Variants in VPS13D observed in about 807,000 individuals in gnomAD.
VPS13D encodes vacuolar protein sorting 13 homolog D, also known as intermembrane lipid transfer protein VPS13D.
A neutral mutation model predicts 461.9 loss-of-function variants in VPS13D; 187 were observed. That is an observed-to-expected ratio of 0.40 (90% CI 0.36 to 0.46). The LOEUF (loss-of-function observed/expected upper bound fraction) is 0.46, where lower values mean the gene tolerates loss of function less well. Ranked by LOEUF, VPS13D falls within the 20% of genes least tolerant of loss-of-function variation. VPS13D has a pLI of 0.60. For synonymous variants in VPS13D, 1,951 were observed against 1,986.3 expected (o/e 0.98, Z 0.47); for missense variants, 4,711 against 5,364.9 (o/e 0.88, Z 3.81).
Position 12,315,312 on chromosome 1 carries a change from A to G in VPS13D, c.7148+985A>G, listed in dbSNP as rs139821020. Among the ~76,000 whole-genome samples the G allele has an allele frequency of 2.6e-3, 392 of 152,356 alleles. 1 individual carries two copies. Among genetic ancestry groups the G allele is most frequent in the Admixed American group, 4.2e-3 (65 of 15,304 alleles). On this transcript the variant is annotated intron_variant, in intron 30 of 69. Coordinates refer to ENST00000620676, the MANE Select transcript of VPS13D (RefSeq NM_015378.4). ...ATGTTTCTGTATGCCTGACATTTCA[A>G]TGTGCTGTTCAGAATTCCCCAGGGT...
Position 12,385,322 on chromosome 1 carries a change from C to T in VPS13D, c.11433C>T (p.Thr3811=), listed in dbSNP as rs751626556. ...RSYEVDELPV[T]EQELQKLKNP... ...ATGAAGTGGATGAACTTCCTGTCAC[C>T]GAACAAGAGCTGCAGAAATTAAAGA... Residue 3811 remains threonine (T), a synonymous_variant, in exon 59 of 70, where the codon ACC becomes ACT. Transcript: ENST00000620676. The T allele has an allele frequency of 1.7e-5, 28 of 1,613,752 alleles. No individual in the cohort carries two copies. Among genetic ancestry groups the T allele is most frequent in the South Asian group, 6.6e-5 (6 of 91,066 alleles).
At chr1:12,291,475 C>T (rs953303932) in intron 23 of VPS13D, among the ~76,000 whole-genome samples, 2 of 152,018 alleles carry the variant, frequency 1.3e-5, no homozygotes, top group Admixed American at 6.6e-5. Context: ...AGAAAAAAGC[C>T]GTCTGTGTGT....
In VPS13D at chr1:12,431,647, G is replaced by A. The variant is rs926286933; in HGVS notation, c.12333+14820G>A. 7.3e-5 allele frequency among the ~76,000 whole-genome samples: 11 copies of A among 151,430 alleles called. No individual in the cohort carries two copies. The East Asian group carries it at 1.9e-3, about 27-fold the overall frequency. Reference sequence around the variant, plus strand: ...GAGTACAAGGGACTAAGTCATACTCGTCTTGGTATCTTTAACCCTAAGCAC... The same window carrying A: ...GAGTACAAGGGACTAAGTCATACTCATCTTGGTATCTTTAACCCTAAGCAC... On this transcript the variant is annotated intron_variant, in intron 65 of 69. Transcript: ENST00000620676.
At chr1:12,280,580 C>G (rs1394880811) in intron 20 of VPS13D, among the ~76,000 whole-genome samples, 9 of 151,276 alleles carry the variant, frequency 5.9e-5, no homozygotes, top group African/African-American at 1.7e-4. Flanking sequence ...ACCTCTGCCT[C>G]CCAGATTCAA....
intron 47 of VPS13D, among the ~76,000 whole-genome samples, chr1:12,355,619 G>T (rs1334105373): frequency 2.6e-5 from 4 of 151,940 alleles, no homozygotes; most frequent in Non-Finnish European, 4.4e-5. Context: ...GTCACCCAGG[G>T]TTAGAATATC....
intron 67 of VPS13D, among the ~76,000 whole-genome samples, chr1:12,464,398 G>C (rs1570228556): frequency 6.6e-6 from 1 of 152,198 alleles, no homozygotes; most frequent in East Asian, 1.9e-4. Context: ...CCAAGTAAAG[G>C]CTTAGATCTT....
At position 12,505,766 on chromosome 1, in the gene VPS13D, G is replaced by A. The variant is rs575937230; in HGVS notation, c.12795-1087G>A. Among the ~76,000 whole-genome samples, 123 of 152,242 alleles carry A rather than the reference G, an allele frequency of 8.1e-4. No individual in the cohort carries two copies. Among genetic ancestry groups the A allele is most frequent in the Non-Finnish European group, 1.5e-3 (103 of 68,040 alleles). On this transcript the variant is annotated intron_variant, in intron 68 of 69. Coordinates refer to ENST00000620676, the MANE Select transcript of VPS13D (RefSeq NM_015378.4). The surrounding 1 kb of genome is among the most constrained non-coding windows in gnomAD (Gnocchi z 4.2). Reference sequence around the variant, plus strand: ...ATGCTTCACAGAGAAGTTAGAACCTGTGATCCTTGCGGGGAGGGGGATGGG... The same window carrying A: ...ATGCTTCACAGAGAAGTTAGAACCTATGATCCTTGCGGGGAGGGGGATGGG...
intron 49 of VPS13D, 82 bp downstream of exon 49, chr1:12,356,606 A>C: frequency 2.6e-6 from 4 of 1,525,082 alleles, no homozygotes; most frequent in Non-Finnish European, 3.5e-6. Context: ...ATATCCGTGT[A>C]AGTAGAAATA....
chr1:12,359,454 A>G (rs1643919375), intron 50 of VPS13D, among the ~76,000 whole-genome samples: 1 of 152,176 alleles, frequency 6.6e-6, no homozygotes, highest in Non-Finnish European at 1.5e-5. Context: ...TGGAGAGCAC[A>G]TTAGTGAGAA....
In VPS13D at chr1:12,277,809, C is replaced by T. The variant is rs143027202; in HGVS notation, c.4221C>T (p.Ile1407=). The T allele has an allele frequency of 1.6e-5, 26 of 1,614,148 alleles. No homozygotes were observed. The East Asian group carries it at 5.1e-4, about 32-fold the overall frequency. ...TGGGACACTTGGGACAGATATTCAT[C>T]CAGAATTTTGTGGCGGGAGATGATG... is the stretch of plus-strand genomic sequence containing the variant. ...LLVGHLGQIF[I]QNFVAGDDES... is the part of the protein sequence containing the mutation. The change falls in exon 19 of 70, where the codon ATC becomes ATT. Residue 1407 remains isoleucine (I), a synonymous_variant. Coordinates refer to ENST00000620676, the MANE Select transcript of VPS13D (RefSeq NM_015378.4).
intron 7 of VPS13D, among the ~76,000 whole-genome samples, chr1:12,254,203 C>G (rs1008807738): frequency 3.3e-5 from 5 of 152,098 alleles, no homozygotes; most frequent in South Asian, 4.1e-4. Flanking sequence ...TGTTTTCCAT[C>G]ATTTATTTAT....
chr1:12,324,280 A>G (rs1426591177), intron 35 of VPS13D, among the ~76,000 whole-genome samples: 1 of 152,160 alleles, frequency 6.6e-6, no homozygotes, highest in Non-Finnish European at 1.5e-5. Context: ...GCAGAGGCAG[A>G]TGGATCGCCT....
intron 50 of VPS13D, among the ~76,000 whole-genome samples, chr1:12,362,148 C>G (rs1643960506): frequency 6.6e-6 from 1 of 152,190 alleles, no homozygotes; most frequent in Non-Finnish European, 1.5e-5. Context: ...CAGGCATGAG[C>G]CACCACACCC....
At chr1:12,290,967 T>C in intron 22 of VPS13D, 31 bp from the exon 23 acceptor site, 1 of 1,578,722 alleles carries the variant, frequency 6.3e-7, no homozygotes, top group South Asian at 1.2e-5. Context: ...AAAGGATACA[T>C]AGTAATGTGT....
intron 60 of VPS13D, among the ~76,000 whole-genome samples, chr1:12,393,454 AC>A (rs1304230397): frequency 2.6e-5 from 4 of 152,244 alleles, no homozygotes; most frequent in Non-Finnish European, 4.4e-5. Flanking sequence ...CATACCAGGT[AC>A]CAGGAGATGT....
chr1:12,249,393 G>A, intron 6 of VPS13D, 54 bp downstream of exon 6: 1 of 1,455,150 alleles, frequency 6.9e-7, no homozygotes, highest in Non-Finnish European at 9.5e-7. Context: ...CTAGGAATCT[G>A]GGGCTCTGCC....
chr1:12,493,245 TTGGGAGGCCGAGGCGGG>T (rs2100528774), intron 67 of VPS13D, among the ~76,000 whole-genome samples: 1 of 150,708 alleles, frequency 6.6e-6, no homozygotes, highest in Non-Finnish European at 1.5e-5. Flanking sequence ...TGCCAGCACT[TTGGGAGGCCGAGGCGGG>T]TGGATCACGA....
intron 7 of VPS13D, among the ~76,000 whole-genome samples, chr1:12,254,665 T>A: frequency 6.6e-6 from 1 of 151,114 alleles, no homozygotes; most frequent in East Asian, 2.0e-4. Context: ...CTGGGTTTAC[T>A]GGTGCCCACC....
At chr1:12,274,553 C>G (rs1481687647) in intron 18 of VPS13D, among the ~76,000 whole-genome samples, 1 of 152,170 alleles carries the variant, frequency 6.6e-6, no homozygotes, top group Non-Finnish European at 1.5e-5. Flanking sequence ...CTCAAGCAAT[C>G]TGCCTGTCTT....
Sources: gnomAD v4.1 joint callset for allele counts (sites outside exome capture counted in the v4.1 genomes callset) on GRCh38, gnomAD v4.1.1 for gene constraint, Gnocchi (gnomAD v3.1) non-coding constraint, MANE v1.5 for transcripts, NCBI Gene and HGNC (gene_info 2026-07-23, HGNC 2026-07-21) for gene names.